The following TNNI3K variants were observed in gnomAD, a reference collection of about 807,000 sequenced individuals.
TNNI3K encodes the protein TNNI3 interacting kinase.
Under a neutral mutation model 114.5 loss-of-function variants are expected in TNNI3K, and 140 were observed. The ratio of observed to expected loss-of-function variants is 1.22; its 90% CI spans 1.07 to 1.41. TNNI3K has a LOEUF of 1.41. Ranked by LOEUF, TNNI3K falls within the 40% of genes most tolerant of loss-of-function variation. TNNI3K has a pLI of 0.00. For missense variants in TNNI3K, 1,125 were observed against 1,007.6 expected, an observed-to-expected ratio of 1.12 and a Z score of -1.58; for synonymous variants, 347 against 347.5, an observed-to-expected ratio of 1.00 and a Z score of 0.02.
Position 74,492,191 on chromosome 1 carries a change from A to G in TNNI3K, c.2276A>G (p.His759Arg), listed in dbSNP as rs1669114228. The change falls in exon 23 of 25, where the codon CAT becomes CGT. Residue 759 changes from histidine (H) to arginine (R), a missense_variant. Physicochemically the swap from His to Arg is conservative, Grantham distance 29. Coordinates refer to ENST00000326637, the MANE Select transcript of TNNI3K (RefSeq NM_015978.3). ...LVNRGGPGRS[H>R]VAALRSRFEL... ...AACCGGGGAGGACCTGGCCGGAGTC[A>G]TGTGGCAGCATTAAGAAGTCGTTTC... 3.1e-6 allele frequency: 5 copies of G among 1,613,186 alleles called. No homozygotes were observed. In the Admixed American group the frequency reaches 6.7e-5, roughly 22 times the overall value.
At chr1:74,423,241 T>C (rs1019074865) in intron 17 of TNNI3K, among the ~76,000 whole-genome samples, 1 of 151,928 alleles carries the variant, frequency 6.6e-6, no homozygotes, top group African/African-American at 2.4e-5. Context: ...CTCTCCATGT[T>C]CCAGACTTTT....
At chr1:74,490,040 T>C (rs1028459874) in intron 22 of TNNI3K, among the ~76,000 whole-genome samples, 6 of 30,670 alleles carry the variant, frequency 2.0e-4, no homozygotes, top group Non-Finnish European at 4.4e-4. Context: ...AAAAGCAGGA[T>C]TTTTTTTTCT....
At chr1:74,501,005 A>C (rs1375731415) in intron 23 of TNNI3K, among the ~76,000 whole-genome samples, 1 of 152,116 alleles carries the variant, frequency 6.6e-6, no homozygotes, top group East Asian at 1.9e-4. Context: ...GAAAATTGAC[A>C]TCTTTCATAA....
chr1:74,414,762 C>T (rs1234939988), intron 17 of TNNI3K, among the ~76,000 whole-genome samples: 2 of 152,188 alleles, frequency 1.3e-5, no homozygotes, highest in Non-Finnish European at 2.9e-5. Context: ...CAGAATTAGA[C>T]TGTTTCTCAC....
At chr1:74,445,079 C>T (rs979291008) in intron 20 of TNNI3K, among the ~76,000 whole-genome samples, 2 of 152,052 alleles carry the variant, frequency 1.3e-5, no homozygotes, top group African/African-American at 4.8e-5. Context: ...ACCATAAAAA[C>T]CCTAGAAGAA....
At chr1:74,390,561 T>C (rs963969469) in intron 17 of TNNI3K, among the ~76,000 whole-genome samples, 2 of 152,076 alleles carry the variant, frequency 1.3e-5, no homozygotes, top group Non-Finnish European at 2.9e-5. Context: ...TTACCAAGAT[T>C]TATTGTGCAC....
intron 23 of TNNI3K, among the ~76,000 whole-genome samples, chr1:74,524,098 G>A (rs1646470550): frequency 6.6e-6 from 1 of 152,198 alleles, no homozygotes; most frequent in South Asian, 2.1e-4. Flanking sequence ...CCTAACTGTG[G>A]CCAGCCACAA....
At chr1:74,258,878 G>T (rs1235565211) in intron 4 of TNNI3K, among the ~76,000 whole-genome samples, 1 of 152,076 alleles carries the variant, frequency 6.6e-6, no homozygotes, top group Non-Finnish European at 1.5e-5. Context: ...ATTTAAATTG[G>T]TACATCTAGG....
intron 5 of TNNI3K, among the ~76,000 whole-genome samples, chr1:74,312,476 G>A (rs1228511796): frequency 6.6e-6 from 1 of 152,230 alleles, no homozygotes; most frequent in East Asian, 1.9e-4. Context: ...AAGATAAACA[G>A]GGTATCTTCT....
rs747968572 is a variant in TNNI3K, at chr1:74,368,982, T to C, written c.1322-40T>C. On this transcript the variant is annotated intron_variant, in intron 13 of 24. Coordinates refer to ENST00000326637, the MANE Select transcript of TNNI3K (RefSeq NM_015978.3). ...CATGTATACACATCCATGTGTGTGG[T>C]TTTTACCTTAAAAAATAAAATGACA... 1.9e-6 allele frequency: 3 copies of C among 1,556,920 alleles called. No individual in the cohort carries two copies. The Admixed American group carries it at 5.7e-5, about 30-fold the overall frequency.
intron 17 of TNNI3K, among the ~76,000 whole-genome samples, chr1:74,395,007 G>A (rs1664003674): frequency 6.7e-6 from 1 of 150,074 alleles, no homozygotes; most frequent in African/African-American, 2.5e-5. Context: ...TCGCGCCACT[G>A]CACTCCAGCC....
chr1:74,308,646 A>G (rs1175087363), intron 5 of TNNI3K, among the ~76,000 whole-genome samples: 2 of 152,142 alleles, frequency 1.3e-5, no homozygotes, highest in Non-Finnish European at 2.9e-5. Flanking sequence ...GAAAAGAAAC[A>G]ACTAAAATCA....
chr1:74,392,183 T>C (rs1209565383), intron 17 of TNNI3K, among the ~76,000 whole-genome samples: 1 of 152,092 alleles, frequency 6.6e-6, no homozygotes, highest in East Asian at 1.9e-4. Context: ...AAGTGGTAAC[T>C]GGATTGTAAC....
chr1:74,338,562 C>T (rs936626678), intron 7 of TNNI3K, among the ~76,000 whole-genome samples: 12 of 151,638 alleles, frequency 7.9e-5, no homozygotes, highest in East Asian at 1.9e-4. Context: ...GCCTTTGCAG[C>T]GGGAACAATA....
chr1:74,321,348 T>G (rs937275797), intron 5 of TNNI3K, among the ~76,000 whole-genome samples: 1 of 152,182 alleles, frequency 6.6e-6, no homozygotes, highest in Non-Finnish European at 1.5e-5. Flanking sequence ...CTCTGCTTCT[T>G]AGATGAGTCT....
intron 23 of TNNI3K, among the ~76,000 whole-genome samples, chr1:74,531,120 C>A (rs1646576918): frequency 6.6e-6 from 1 of 152,066 alleles, no homozygotes; most frequent in Non-Finnish European, 1.5e-5. Flanking sequence ...AGCCTGGGGA[C>A]ATTTGCCATT....
intron 5 of TNNI3K, among the ~76,000 whole-genome samples, chr1:74,272,793 C>T (rs944335452): frequency 6.6e-6 from 1 of 151,890 alleles, no homozygotes; most frequent in Non-Finnish European, 1.5e-5. Context: ...TTTATTGCCG[C>T]TGCCATTTGA....
intron 5 of TNNI3K, among the ~76,000 whole-genome samples, chr1:74,278,415 A>G (rs1354088077): frequency 6.6e-6 from 1 of 152,150 alleles, no homozygotes; most frequent in East Asian, 1.9e-4. Context: ...ACCTGACCAG[A>G]ATTTAAGCTT....
At chr1:74,538,357 CT>C in intron 23 of TNNI3K, among the ~76,000 whole-genome samples, 1 of 151,990 alleles carries the variant, frequency 6.6e-6, no homozygotes, top group Non-Finnish European at 1.5e-5. Context: ...TATTGAATGA[CT>C]GGGGGGTAGA....
Sources: gnomAD v4.1 joint callset for allele counts (sites outside exome capture counted in the v4.1 genomes callset) on GRCh38, gnomAD v4.1.1 for gene constraint, MANE v1.5 for transcripts, NCBI Gene and HGNC (gene_info 2026-07-23, HGNC 2026-07-21) for gene names.